IRX4: variants seen among roughly 807,000 people sequenced by gnomAD.
IRX4 encodes iroquois homeobox 4.
A neutral mutation model predicts 32.0 loss-of-function variants in IRX4; 22 were observed. That is an observed-to-expected ratio of 0.69 (90% CI 0.49 to 0.98). The LOEUF is 0.98. Ranked by LOEUF, IRX4 falls within the 50% of genes least tolerant of loss-of-function variation. The pLI is 0.00. For synonymous variants in IRX4, 379 were observed against 351.7 expected (o/e 1.08, Z -0.87); for missense variants, 840 against 744.2 (o/e 1.13, Z -1.50).
chr5:1,881,077 G>GGGGGGGGGGGGGGGGGGGGGGGGCC, intron 2 of IRX4: 1 of 337,070 alleles, frequency 3.0e-6, no homozygotes, highest in Non-Finnish European at 5.4e-6. Flanking sequence ...GGGCGGGGGG[G>GGGGGGGGGGGGGGGGGGGGGGGGCC]AGGAGGTGCA....
intron 4 of IRX4, 65 bp downstream of exon 4, chr5:1,879,439 C>G: frequency 6.2e-7 from 1 of 1,610,064 alleles, no homozygotes; most frequent in Non-Finnish European, 8.5e-7. Flanking sequence ...CGTCCTAGAA[C>G]CGCAGAGAAG....
rs764051904 is a variant in IRX4, at chr5:1,877,509, A to C, written c.*460T>G. 3 of 160,928 alleles carry C rather than the reference A, an allele frequency of 1.9e-5. No individual in the cohort carries two copies. Among genetic ancestry groups the C allele is most frequent in the Non-Finnish European group, 4.0e-5 (3 of 74,534 alleles). The allele number at this position is 160,928 out of a possible 1,614,324, so 10.0% of individuals were successfully genotyped here. On this transcript the variant is annotated 3_prime_UTR_variant, in exon 5 of 5. Transcript: ENST00000231357. ...GGTGTGAACATACATCTTAAAAAGC[A>C]TCATATTATGGAGTCAAGAGTGTGC...
Position 1,881,857 on chromosome 5 carries a change from T to TAA in IRX4, c.247_248insTT (p.Tyr83PhefsTer6), listed in dbSNP as rs1415670208. The TAA allele has an allele frequency of 6.3e-7, 1 of 1,581,166 alleles. No individual in the cohort carries two copies. Among genetic ancestry groups the TAA allele is most frequent in the South Asian group, 1.2e-5 (1 of 86,310 alleles). On this transcript the variant is annotated frameshift_variant, in exon 2 of 5. Coordinates refer to ENST00000231357, the MANE Select transcript of IRX4 (RefSeq NM_016358.3). LOFTEE classifies it high-confidence loss of function. ...CGAGCCGTAGGTCACGTAGTTGCCATAGCCCTGCGATCCGCCATAGGGACC... is the reference window on the plus strand; with the variant it reads ...CGAGCCGTAGGTCACGTAGTTGCCATAAAGCCCTGCGATCCGCCATAGGGACC...
rs1442311755 is a variant in IRX4 at position 1,878,022 on chromosome 5, C to A, written c.1507G>T (p.Ala503Ser). The change falls in exon 5 of 5, where the codon GCC (alanine) becomes TCC (serine). Residue 503 changes from alanine (A) to serine (S), a missense_variant. This residue lies in a region of IRX4 where 585 missense variants were observed against 488.0 expected (regional missense o/e 1.20). Coordinates refer to ENST00000231357, the MANE Select transcript of IRX4 (RefSeq NM_016358.3). ...VPQDAPAAGA[A>S]RELLALPKAG... ...TTGGGCAGGGCGAGCAGCTCCCTGG[C>A]GGCGCCTGCAGCTGGGGCGTCCTGG... The A allele has an allele frequency of 2.0e-6, 3 of 1,506,782 alleles. No individual in the cohort carries two copies. The highest frequency in any genetic ancestry group is 2.1e-5 in the Admixed American group (1 of 48,142). 93.3% of individuals were successfully genotyped at this position (1,506,782 alleles called of 1,614,324 possible).
At position 1,877,413 on chromosome 5, in the gene IRX4, T is replaced by C. The variant is rs1266145466; in HGVS notation, c.*556A>G. On this transcript the variant is annotated 3_prime_UTR_variant, in exon 5 of 5. Coordinates refer to ENST00000231357, the MANE Select transcript of IRX4 (RefSeq NM_016358.3). Reference sequence around the variant, plus strand: ...AATCCCCTGGTTTTAAATGTGTTCATTTTGCAATACAAACACCATCACTCG... The same window carrying C: ...AATCCCCTGGTTTTAAATGTGTTCACTTTGCAATACAAACACCATCACTCG... 1 of 152,470 alleles carries C rather than the reference T, an allele frequency of 6.6e-6. No homozygotes were observed. Among genetic ancestry groups the C allele is most frequent in the Non-Finnish European group, 1.5e-5 (1 of 68,128 alleles). The allele number at this position is 152,470 out of a possible 1,614,324, so 9.4% of individuals were successfully genotyped here.
upstream of IRX4, among the ~76,000 whole-genome samples, chr5:1,883,602 C>G (rs1017302040): frequency 2.0e-5 from 3 of 152,236 alleles, no homozygotes; most frequent in Non-Finnish European, 4.4e-5. Context: ...ACTGGCGGCC[C>G]GAGGGCTGTA....
At chr5:1,879,479 C>T (rs1735345946) in intron 4 of IRX4, 25 bp downstream of exon 4, 1 of 1,612,840 alleles carries the variant, frequency 6.2e-7, no homozygotes, top group African/African-American at 1.3e-5. Flanking sequence ...GGGCCTCAGC[C>T]CCCAGTGACA....
In IRX4 at chr5:1,882,715, G is replaced by T. The variant is rs1579255872; in HGVS notation, c.-68C>A. The T allele has an allele frequency of 9.5e-7, 1 of 1,047,820 alleles. No homozygotes were observed. Among genetic ancestry groups the T allele is most frequent in the Non-Finnish European group, 1.3e-6 (1 of 781,436 alleles). 64.9% of individuals were successfully genotyped at this position (1,047,820 alleles called of 1,614,324 possible). On this transcript the variant is annotated 5_prime_UTR_variant, in exon 1 of 5. Coordinates refer to ENST00000231357, the MANE Select transcript of IRX4 (RefSeq NM_016358.3). ...CTGCGCGCTGGGGCCGGCGTGGCGC[G>T]GCCACTGCTCCGGAGCTGCAGGCTT...
upstream of IRX4, among the ~76,000 whole-genome samples, chr5:1,884,882 T>C (rs1735579219): frequency 6.6e-6 from 1 of 151,802 alleles, no homozygotes; most frequent in Non-Finnish European, 1.5e-5. Context: ...TTCTGGTTTT[T>C]CCCGAGCATC....
Position 1,881,835 on chromosome 5 carries a change from G to C in IRX4, c.270C>G (p.Gly90=). 1 of 1,575,358 alleles carries C rather than the reference G, an allele frequency of 6.3e-7. No individual in the cohort carries two copies. Among genetic ancestry groups the C allele is most frequent in the Non-Finnish European group, 8.6e-7 (1 of 1,160,838 alleles). The part of the protein sequence containing the change: ...SQGYGNYVTY[G]SEASAFYSLN... ...GCGAGTAGAAGGCGGACGCCTCCGA[G>C]CCGTAGGTCACGTAGTTGCCATAGC... The change falls in exon 2 of 5, where the codon GGC becomes GGG. Residue 90 remains glycine (G), a synonymous_variant. Coordinates refer to ENST00000231357, the MANE Select transcript of IRX4 (RefSeq NM_016358.3).
At position 1,878,102 on chromosome 5, in the gene IRX4, G is replaced by GC; in HGVS notation, c.1426dup (p.Ala476GlyfsTer74). 2 of 1,536,190 alleles carry GC rather than the reference G, an allele frequency of 1.3e-6. No individual in the cohort carries two copies. Among genetic ancestry groups the GC allele is most frequent in the Non-Finnish European group, 1.7e-6 (2 of 1,146,972 alleles). ...GGGTGCAGTCAGCACGTTCGCGCCC[G>GC]CCCCCAGCGAGCGTCCCAGAGGCCC... On this transcript the variant is annotated frameshift_variant, in exon 5 of 5. Transcript: ENST00000231357. LOFTEE classifies it low-confidence loss of function (END_TRUNC).
At chr5:1,881,558 A>C (rs968977628) in intron 2 of IRX4, among the ~76,000 whole-genome samples, 9 of 149,430 alleles carry the variant, frequency 6.0e-5, no homozygotes, top group African/African-American at 2.2e-4. Flanking sequence ...CGAATCTGCC[A>C]GCTGATGAGG....
intron 2 of IRX4, 146 bp downstream of exon 2, chr5:1,881,662 G>A (rs1735443900): frequency 1.2e-5 from 12 of 998,864 alleles, no homozygotes; most frequent in Non-Finnish European, 1.8e-5. Context: ...GTCTCGGCTG[G>A]GAGGCGCAAA....
upstream of IRX4, among the ~76,000 whole-genome samples, chr5:1,884,930 G>A (rs1579258320): frequency 5.3e-5 from 8 of 151,112 alleles, 1 homozygote; most frequent in African/African-American, 1.9e-4. Flanking sequence ...CAAACTACTC[G>A]CTCTCTCCAG....
chr5:1,878,917 C>A, intron 4 of IRX4, 125 bp from the exon 5 acceptor site: 1 of 999,530 alleles, frequency 1.0e-6, no homozygotes, highest in Non-Finnish European at 1.6e-6. Context: ...CCTCTCTTCG[C>A]GTCTCCCATT....
intron 4 of IRX4, among the ~76,000 whole-genome samples, 200 bp downstream of exon 4, chr5:1,879,304 C>T (rs1276512960): frequency 2.0e-5 from 3 of 152,180 alleles, no homozygotes; most frequent in Admixed American, 6.5e-5. Flanking sequence ...TATTTTTATA[C>T]GTGATTTGAG....
At chr5:1,883,422 C>G (rs936184389), upstream of IRX4, among the ~76,000 whole-genome samples, 1 of 152,208 alleles carries the variant, frequency 6.6e-6, no homozygotes, top group Non-Finnish European at 1.5e-5. Context: ...GCACGCGTCT[C>G]GTCACTATTG....
At chr5:1,881,175 G>A (rs1735421883) in intron 2 of IRX4, 2 of 385,352 alleles carry the variant, frequency 5.2e-6, no homozygotes, top group Non-Finnish European at 9.8e-6. Flanking sequence ...GCTGGGAGAA[G>A]GAGTGGGGAT....
At chr5:1,883,685 TC>T (rs994257509), upstream of IRX4, among the ~76,000 whole-genome samples, 1 of 152,036 alleles carries the variant, frequency 6.6e-6, no homozygotes, top group African/African-American at 2.4e-5. Flanking sequence ...CGCCCCATCT[TC>T]TCCACCGCGG....
Sources: gnomAD v4.1 joint callset for allele counts (sites outside exome capture counted in the v4.1 genomes callset) on GRCh38, gnomAD v4.1.1 for gene constraint, gnomAD v4.1.1 regional missense constraint, MANE v1.5 for transcripts, NCBI Gene and HGNC (gene_info 2026-07-23, HGNC 2026-07-21) for gene names.